The following CADM2 variants were observed in gnomAD, a reference collection of about 807,000 sequenced individuals.
CADM2 encodes cell adhesion molecule 2.
In CADM2, 12 loss-of-function variants were observed where a neutral mutation model predicts 49.8. That is an observed-to-expected ratio of 0.24 (90% CI 0.15 to 0.39). CADM2 has a LOEUF of 0.39. CADM2 is among the 10% of genes least tolerant of loss of function. The pLI is 1.00. For missense variants in CADM2, 378 were observed against 492.3 expected, an observed-to-expected ratio of 0.77 and a Z score of 2.20; for synonymous variants, 214 against 175.4, an observed-to-expected ratio of 1.22 and a Z score of -1.74.
At chr3:85,540,463 T>C (rs1378527241) in intron 1 of CADM2, among the ~76,000 whole-genome samples, 2 of 152,154 alleles carry the variant, frequency 1.3e-5, no homozygotes, top group Non-Finnish European at 2.9e-5. Flanking sequence ...ACATATTGAC[T>C]ATAAAATAAG....
At chr3:85,271,538 A>C (rs535558491) in intron 1 of CADM2, among the ~76,000 whole-genome samples, 2 of 151,152 alleles carry the variant, frequency 1.3e-5, no homozygotes, top group African/African-American at 2.4e-5. Flanking sequence ...TTAGAGACAC[A>C]CGGAGCATAA....
Position 85,163,638 on chromosome 3 carries a change from C to T in CADM2, c.61+203970C>T, listed in dbSNP as rs1053984465. On this transcript the variant is annotated intron_variant, in intron 1 of 9. Transcript: ENST00000383699. ...TACCCTCATCTCAAAATTAGAACAG[C>T]TTGTGTTAAAACATAAAGACTATGA... 3.5e-4 allele frequency among the ~76,000 whole-genome samples: 53 copies of T among 152,016 alleles called. 1 individual carries two copies. Among genetic ancestry groups the T allele is most frequent in the Admixed American group, 3.5e-3 (53 of 15,238 alleles).
intron 7 of CADM2, among the ~76,000 whole-genome samples, chr3:85,938,362 C>T (rs907652953): frequency 1.3e-5 from 2 of 151,852 alleles, no homozygotes; most frequent in Non-Finnish European, 2.9e-5. Flanking sequence ...CAAATTGAAA[C>T]GGTTTAATCA....
chr3:85,339,367 G>T (rs546181159), intron 1 of CADM2, among the ~76,000 whole-genome samples: 3 of 151,462 alleles, frequency 2.0e-5, no homozygotes, highest in African/African-American at 7.2e-5. Flanking sequence ...AAGAACAAGT[G>T]TAATATCATA....
At chr3:85,312,213 T>C (rs1466123764) in intron 1 of CADM2, among the ~76,000 whole-genome samples, 1 of 152,058 alleles carries the variant, frequency 6.6e-6, no homozygotes, top group Non-Finnish European at 1.5e-5. Flanking sequence ...AAGTACCTCA[T>C]AAAAAAGATA....
At position 85,632,768 on chromosome 3, in the gene CADM2, G is replaced by A. The variant is rs184173966; in HGVS notation, c.62-93754G>A. 1.6e-3 allele frequency among the ~76,000 whole-genome samples: 244 copies of A among 152,034 alleles called. 1 individual carries two copies. The highest frequency in any genetic ancestry group is 5.6e-3 in the African/African-American group (231 of 41,482). On this transcript the variant is annotated intron_variant, in intron 1 of 9. Transcript: ENST00000383699. ...CAACTTCACTATTAATTTATTTAGA[G>A]TCCCAGTAGAAACAAAACTTTTCTT...
intron 8 of CADM2, among the ~76,000 whole-genome samples, chr3:86,010,817 T>G (rs902813079): frequency 2.3e-4 from 35 of 151,472 alleles, no homozygotes; most frequent in African/African-American, 8.2e-4. Flanking sequence ...GAAAAATAAA[T>G]TATTAATATG....
chr3:85,095,697 A>T (rs2107532262), intron 1 of CADM2, among the ~76,000 whole-genome samples: 1 of 152,262 alleles, frequency 6.6e-6, no homozygotes, highest in South Asian at 2.1e-4. Context: ...TTGTTTGAAA[A>T]TTCCTACTAG....
At chr3:85,389,085 T>C (rs546604552) in intron 1 of CADM2, among the ~76,000 whole-genome samples, 1 of 152,200 alleles carries the variant, frequency 6.6e-6, no homozygotes, top group African/African-American at 2.4e-5. Context: ...TTCACCCTTA[T>C]TTAAAGTAAC....
intron 1 of CADM2, among the ~76,000 whole-genome samples, chr3:85,146,795 T>G (rs79839592): frequency 0.031 from 4,658 of 152,254 alleles, 100 homozygotes; most frequent in South Asian, 0.043. Flanking sequence ...CATTGAAGAT[T>G]GAGAATAATT....
At chr3:85,337,954 T>C (rs908933023) in intron 1 of CADM2, among the ~76,000 whole-genome samples, 1 of 151,662 alleles carries the variant, frequency 6.6e-6, no homozygotes, top group East Asian at 1.9e-4. Context: ...TAGGGATACA[T>C]TTACAGTGTT....
At chr3:85,945,813 G>A (rs1464437110) in intron 7 of CADM2, among the ~76,000 whole-genome samples, 9 of 152,152 alleles carry the variant, frequency 5.9e-5, no homozygotes, top group African/African-American at 1.7e-4. Flanking sequence ...CAAAACCACA[G>A]CCAATATCAT....
chr3:85,759,085 A>T (rs576768400), intron 2 of CADM2, among the ~76,000 whole-genome samples: 1 of 152,196 alleles, frequency 6.6e-6, no homozygotes, highest in Non-Finnish European at 1.5e-5. Context: ...AGAGGGAATC[A>T]AACAGAGGCT....
chr3:85,197,730 A>ATGT (rs1350936801), intron 1 of CADM2, among the ~76,000 whole-genome samples: 1 of 151,924 alleles, frequency 6.6e-6, no homozygotes, highest in African/African-American at 2.4e-5. Flanking sequence ...TCTAACTCTG[A>ATGT]TGTTATGTTG....
At chr3:85,615,071 A>C (rs2063764991) in intron 1 of CADM2, among the ~76,000 whole-genome samples, 1 of 151,918 alleles carries the variant, frequency 6.6e-6, no homozygotes, top group African/African-American at 2.4e-5. Flanking sequence ...TGTGTATATC[A>C]AACTACCTGT....
At chr3:85,834,034 T>TG (rs1258740983) in intron 3 of CADM2, among the ~76,000 whole-genome samples, 2 of 151,626 alleles carry the variant, frequency 1.3e-5, no homozygotes, top group Non-Finnish European at 3.0e-5. Flanking sequence ...TAGTTTCTAG[T>TG]GGGAAATTTT....
At chr3:85,159,289 C>T (rs977348214) in intron 1 of CADM2, among the ~76,000 whole-genome samples, 8 of 149,368 alleles carry the variant, frequency 5.4e-5, no homozygotes, top group Non-Finnish European at 1.2e-4. Flanking sequence ...CAGGAGAGAA[C>T]GAGTTTAAAG....
intron 3 of CADM2, among the ~76,000 whole-genome samples, chr3:85,809,567 CCT>C (rs2072683691): frequency 6.6e-6 from 1 of 151,948 alleles, no homozygotes; most frequent in African/African-American, 2.4e-5. Flanking sequence ...ACAGAAAGAC[CCT>C]GTCTCATAAA....
chr3:85,405,781 T>C (rs1014288943), intron 1 of CADM2, among the ~76,000 whole-genome samples: 1 of 151,858 alleles, frequency 6.6e-6, no homozygotes, highest in Non-Finnish European at 1.5e-5. Flanking sequence ...GGTAAACATG[T>C]GCCATAGTGG....
Sources: gnomAD v4.1 joint callset for allele counts (sites outside exome capture counted in the v4.1 genomes callset) on GRCh38, gnomAD v4.1.1 for gene constraint, MANE v1.5 for transcripts, NCBI Gene and HGNC (gene_info 2026-07-23, HGNC 2026-07-21) for gene names.